PRPF39: variants seen among roughly 807,000 people sequenced by gnomAD.
The protein encoded by PRPF39 is pre-mRNA-processing factor 39.
In PRPF39, 27 loss-of-function variants were observed where a neutral mutation model predicts 82.1. That is an observed-to-expected ratio of 0.33 (90% CI 0.24 to 0.45). The LOEUF is 0.45. Among genes scored for constraint, PRPF39 ranks in the 20% least tolerant of loss-of-function variants. The pLI, the probability that PRPF39 is intolerant of heterozygous loss-of-function variation, is 1.00. For missense variants in PRPF39, 581 were observed against 796.9 expected, an observed-to-expected ratio of 0.73 and a Z score of 3.26; for synonymous variants, 261 against 256.4, an observed-to-expected ratio of 1.02 and a Z score of -0.17.
intron 1 of PRPF39, among the ~76,000 whole-genome samples, chr14:45,084,728 T>G (rs1883767698): frequency 6.6e-6 from 1 of 152,118 alleles, no homozygotes; most frequent in East Asian, 1.9e-4. Flanking sequence ...CGACCCTAAG[T>G]CACAGCACCC....
In PRPF39 at chr14:45,095,507, A is replaced by T; in HGVS notation, c.268A>T (p.Asn90Tyr). The stretch of plus-strand genomic sequence containing the variant: ...TGAAAAATTTTGGAAAACTGTAGAA[A>T]ATAATCCTCAGGATTTTACAGGCTG... ...EYEKFWKTVE[N>Y]NPQDFTGWVY... The change falls in exon 2 of 14, where the codon AAT becomes TAT. Residue 90 changes from asparagine to tyrosine, a missense_variant. Asn to Tyr is a moderately radical substitution (Grantham distance 143). Coordinates refer to ENST00000355765, the MANE Select transcript of PRPF39 (RefSeq NM_017922.4). The T allele has an allele frequency of 6.2e-7, 1 of 1,613,138 alleles. No homozygotes were observed. Among genetic ancestry groups the T allele is most frequent in the South Asian group, 1.1e-5 (1 of 90,974 alleles).
intron 7 of PRPF39, among the ~76,000 whole-genome samples, 176 bp from the exon 8 acceptor site, chr14:45,109,440 T>A (rs1351549688): frequency 6.7e-6 from 1 of 149,958 alleles, no homozygotes; most frequent in Non-Finnish European, 1.5e-5. Flanking sequence ...ATTATTTCAT[T>A]TGTTTGTAAA....
At chr14:45,085,282 T>C (rs2139028612) in intron 1 of PRPF39, among the ~76,000 whole-genome samples, 2 of 152,298 alleles carry the variant, frequency 1.3e-5, no homozygotes, top group Middle Eastern at 3.4e-3. Context: ...AGGGATAAAG[T>C]GATGGAAAGG....
At chr14:45,087,910 A>G (rs541344349) in intron 1 of PRPF39, among the ~76,000 whole-genome samples, 1 of 152,154 alleles carries the variant, frequency 6.6e-6, no homozygotes, top group African/African-American at 2.4e-5. Flanking sequence ...TCTGGCCTCT[A>G]AAACCCAAGT....
At chr14:45,097,301 C>CT (rs34304975) in intron 4 of PRPF39, among the ~76,000 whole-genome samples, 52 of 144,026 alleles carry the variant, frequency 3.6e-4, no homozygotes, top group Non-Finnish European at 4.8e-4. Flanking sequence ...TGCTCTTTGA[C>CT]TTTTTTTTTT....
At chr14:45,109,510 AT>A (rs1332030935) in intron 7 of PRPF39, 105 bp from the exon 8 acceptor site, 1 of 927,690 alleles carries the variant, frequency 1.1e-6, no homozygotes, top group Non-Finnish European at 1.5e-6. Context: ...ATGATTAAAA[AT>A]TTTAATCATC....
intron 4 of PRPF39, among the ~76,000 whole-genome samples, chr14:45,099,584 A>G (rs1445307118): frequency 6.6e-6 from 1 of 152,000 alleles, no homozygotes; most frequent in African/African-American, 2.4e-5. Context: ...AGCTGGGACT[A>G]CAGGCACCTG....
Position 45,110,319 on chromosome 14 carries a change from G to A in PRPF39, c.1303+99G>A. ...TAAGGGATGGTGTAAAGCAGAGTTT[G>A]GCAAACTTTTTCTCTAAAGGGCCAG... On this transcript the variant is annotated intron_variant, in intron 9 of 13. Transcript: ENST00000355765. The surrounding 1 kb of genome is among the most constrained non-coding windows in gnomAD (Gnocchi z 4.0). 1 of 1,482,134 alleles carries A rather than the reference G, an allele frequency of 6.7e-7. No homozygotes were observed. The highest frequency in any genetic ancestry group is 2.3e-5 in the Admixed American group (1 of 44,238). 91.8% of individuals were successfully genotyped at this position (1,482,134 alleles called of 1,614,324 possible).
intron 4 of PRPF39, among the ~76,000 whole-genome samples, chr14:45,098,574 A>G (rs548477748): frequency 6.6e-6 from 1 of 151,862 alleles, no homozygotes; most frequent in Non-Finnish European, 1.5e-5. Flanking sequence ...CCGTTTGTCT[A>G]ATTTTCTTTG....
Position 45,116,209 on chromosome 14 carries a change from C to G in PRPF39, c.*1296C>G. The G allele has an allele frequency of 6.2e-7, 1 of 1,610,438 alleles. No individual in the cohort carries two copies. Among genetic ancestry groups the G allele is most frequent in the Non-Finnish European group, 8.5e-7 (1 of 1,176,848 alleles). ...GAAGCACTGCTATTTCAATCAATAT[C>G]CACTAATTCCACTTCAAAAGTGAGT... On this transcript the variant is annotated 3_prime_UTR_variant, in exon 14 of 14. Transcript: ENST00000355765.
chr14:45,109,517 T>G, intron 7 of PRPF39, 99 bp from the exon 8 acceptor site: 5 of 949,666 alleles, frequency 5.3e-6, no homozygotes, highest in Non-Finnish European at 7.1e-6. Flanking sequence ...AAAATTTTAA[T>G]CATCAATTAT....
rs758551055 is a variant in PRPF39 at position 45,095,462 on chromosome 14, G to A, written c.223G>A (p.Ala75Thr). ...DLPVTLTETE[A>T]NFPPEYEKFW... ...TCCAGTGACGCTGACAGAAACAGAA[G>A]CAAATTTCCCTCCAGAATATGAAAA... The change falls in exon 2 of 14, where the codon GCA becomes ACA. Residue 75 changes from alanine (A) to threonine (T), a missense_variant. Ala to Thr is a moderately conservative substitution (Grantham distance 58). Coordinates refer to ENST00000355765, the MANE Select transcript of PRPF39 (RefSeq NM_017922.4). 1 of 1,613,808 alleles carries A rather than the reference G, an allele frequency of 6.2e-7. No homozygotes were observed. Among genetic ancestry groups the A allele is most frequent in the Non-Finnish European group, 8.5e-7 (1 of 1,179,880 alleles).
intron 5 of PRPF39, among the ~76,000 whole-genome samples, chr14:45,104,516 G>A (rs554138639): frequency 6.6e-6 from 1 of 151,946 alleles, no homozygotes; most frequent in South Asian, 2.1e-4. Flanking sequence ...TATTTAAGTT[G>A]TAGGAATGAA....
At chr14:45,096,287 A>G in intron 3 of PRPF39, 59 bp downstream of exon 3, 1 of 1,522,636 alleles carries the variant, frequency 6.6e-7, no homozygotes, top group South Asian at 1.3e-5. Flanking sequence ...ATTAATAACA[A>G]AACAAAGATT....
intron 3 of PRPF39, chr14:45,096,534 T>C (rs1265686513): frequency 4.2e-6 from 6 of 1,430,570 alleles, no homozygotes; most frequent in Non-Finnish European, 5.6e-6. Context: ...ATTTCTCATT[T>C]TCCAAACAAT....
rs1594739366 is a variant in PRPF39, at chr14:45,115,946, C to T, written c.*1033C>T. ...TTTATTGAGCCACTTAAGTTTACAA[C>T]ATGAGGTAAAAGGAAAAAGTTCTCC... On this transcript the variant is annotated 3_prime_UTR_variant, in exon 14 of 14. Transcript: ENST00000355765. The T allele has an allele frequency of 2.4e-6, 1 of 415,586 alleles. No individual in the cohort carries two copies. The highest frequency in any genetic ancestry group is 3.7e-5 in the East Asian group (1 of 27,376). The allele number at this position is 415,586 out of a possible 1,614,324, so 25.7% of individuals were successfully genotyped here. A position where few individuals can be genotyped will look rare whatever the true frequency, so the allele number is the denominator to read the frequency against.
chr14:45,104,048 T>C (rs1884452676), intron 5 of PRPF39, among the ~76,000 whole-genome samples: 1 of 152,154 alleles, frequency 6.6e-6, no homozygotes. Flanking sequence ...CACAGGGAGA[T>C]TAGCATATTT....
intron 4 of PRPF39, among the ~76,000 whole-genome samples, chr14:45,099,281 C>T (rs551829390): frequency 3.9e-5 from 6 of 151,968 alleles, no homozygotes; most frequent in Admixed American, 1.3e-4. Context: ...AGTTTCCTTG[C>T]CTTGATTTTC....
chr14:45,090,791 G>A lies in PRPF39; in HGVS notation c.-19-4430G>A, dbSNP rs561775123. Among the ~76,000 whole-genome samples the A allele has an allele frequency of 3.1e-4, 47 of 152,148 alleles. No individual in the cohort carries two copies. The South Asian group carries it at 9.1e-3, about 30-fold the overall frequency. ...TTCTCTACCTGGTTAATAGACATTA[G>A]TGAGTAAGGACCTTATCTTACACTT... is the stretch of plus-strand genomic sequence containing the variant. On this transcript the variant is annotated intron_variant, in intron 1 of 13. Coordinates refer to ENST00000355765, the MANE Select transcript of PRPF39 (RefSeq NM_017922.4).
Sources: gnomAD v4.1 joint callset for allele counts (sites outside exome capture counted in the v4.1 genomes callset) on GRCh38, gnomAD v4.1.1 for gene constraint, Gnocchi (gnomAD v3.1) non-coding constraint, MANE v1.5 for transcripts, NCBI Gene and HGNC (gene_info 2026-07-23, HGNC 2026-07-21) for gene names.